DOCK3: variants seen among roughly 807,000 people sequenced by gnomAD.
DOCK3 encodes dedicator of cytokinesis 3.
In DOCK3, 60 loss-of-function variants were observed where a neutral mutation model predicts 265.6. That is an observed-to-expected ratio of 0.23 (90% confidence interval 0.18 to 0.28). DOCK3 has a LOEUF of 0.28. DOCK3 is among the 10% of genes least tolerant of loss of function. The pLI, the probability that DOCK3 is intolerant of heterozygous loss-of-function variation, is 1.00. For missense variants in DOCK3, 1,981 were observed against 2,594.3 expected, an observed-to-expected ratio of 0.76 and a Z score of 5.14; for synonymous variants, 881 against 938.0, an observed-to-expected ratio of 0.94 and a Z score of 1.11.
chr3:51,262,160 G>C (rs1371466169), intron 23 of DOCK3, among the ~76,000 whole-genome samples: 1 of 152,202 alleles, frequency 6.6e-6, no homozygotes, highest in Non-Finnish European at 1.5e-5. Context: ...CCTCATACGG[G>C]AGAGCTCTGG....
chr3:51,233,509 G>A (rs1283391424), intron 19 of DOCK3, among the ~76,000 whole-genome samples: 2 of 152,230 alleles, frequency 1.3e-5, no homozygotes, highest in Non-Finnish European at 2.9e-5. Context: ...GGGATTACAG[G>A]CATGTGCCAC....
chr3:51,179,459 G>A (rs1269320727), intron 12 of DOCK3, among the ~76,000 whole-genome samples: 3 of 152,164 alleles, frequency 2.0e-5, no homozygotes, highest in African/African-American at 2.4e-5. Context: ...AGTAAACTAA[G>A]AATGTTATTC....
At chr3:51,309,554 G>A (rs1018089762) in intron 27 of DOCK3, among the ~76,000 whole-genome samples, 5 of 152,192 alleles carry the variant, frequency 3.3e-5, no homozygotes, top group Non-Finnish European at 7.3e-5. Context: ...GCTTCGGCTC[G>A]GCATCAGAGG....
chr3:50,738,339 G>A (rs576764345), intron 1 of DOCK3, among the ~76,000 whole-genome samples: 5 of 152,246 alleles, frequency 3.3e-5, no homozygotes, highest in East Asian at 1.9e-4. Flanking sequence ...ACAGCTTGGA[G>A]CCCAGGCCCA....
intron 5 of DOCK3, among the ~76,000 whole-genome samples, chr3:50,962,295 G>A (rs1181665934): frequency 6.6e-6 from 1 of 152,120 alleles, no homozygotes; most frequent in East Asian, 1.9e-4. Context: ...AGTCATGATA[G>A]CTTACAATGC....
At chr3:50,912,468 C>T (rs2049906700) in intron 4 of DOCK3, among the ~76,000 whole-genome samples, 1 of 152,146 alleles carries the variant, frequency 6.6e-6, no homozygotes, top group South Asian at 2.1e-4. Context: ...GCTCAAGGCC[C>T]TGGTGCTCTA....
At chr3:51,225,891 T>A in intron 15 of DOCK3, 118 bp downstream of exon 15, 1 of 1,327,614 alleles carries the variant, frequency 7.5e-7, no homozygotes. Flanking sequence ...TCAGCCTTTT[T>A]CTCTGCCTTT....
At chr3:50,802,542 T>C (rs184860114) in intron 2 of DOCK3, among the ~76,000 whole-genome samples, 3 of 152,276 alleles carry the variant, frequency 2.0e-5, no homozygotes, top group East Asian at 3.9e-4. Context: ...GGGTATAATA[T>C]TCCTCATTGC....
At chr3:51,305,733 C>CGTGTGTGTGT (rs202005379) in intron 27 of DOCK3, among the ~76,000 whole-genome samples, 1,806 of 135,592 alleles carry the variant, frequency 0.013, 39 homozygotes, top group African/African-American at 0.037. Flanking sequence ...TGTGTGTGTG[C>CGTGTGTGTGT]GCGTGTGTGT....
At chr3:51,097,834 A>G (rs534895832) in intron 9 of DOCK3, among the ~76,000 whole-genome samples, 2 of 152,304 alleles carry the variant, frequency 1.3e-5, no homozygotes, top group South Asian at 2.1e-4. Context: ...CTCATGGCAC[A>G]GTCCCTCACG....
At chr3:51,044,370 G>A (rs2080670110) in intron 5 of DOCK3, among the ~76,000 whole-genome samples, 1 of 152,066 alleles carries the variant, frequency 6.6e-6, no homozygotes, top group Admixed American at 6.6e-5. Context: ...ATAAGTGGAA[G>A]CTAAATGATG....
chr3:51,288,338 G>C (rs1034600359), intron 27 of DOCK3, among the ~76,000 whole-genome samples: 7 of 147,384 alleles, frequency 4.7e-5, no homozygotes, highest in African/African-American at 1.8e-4. Flanking sequence ...GTTGCAGTGA[G>C]CCAAGATCGT....
chr3:51,195,970 C>G (rs1256066881), intron 12 of DOCK3, among the ~76,000 whole-genome samples: 1 of 152,020 alleles, frequency 6.6e-6, no homozygotes, highest in Admixed American at 6.6e-5. Flanking sequence ...AGGTCTCACT[C>G]TGTCACCCAG....
At chr3:51,097,816 C>T (rs892685515) in intron 9 of DOCK3, among the ~76,000 whole-genome samples, 1 of 152,182 alleles carries the variant, frequency 6.6e-6, no homozygotes, top group African/African-American at 2.4e-5. Context: ...GGCCAGAGTG[C>T]ACTGTCCCTC....
At chr3:50,754,428 A>G (rs990938459) in intron 1 of DOCK3, among the ~76,000 whole-genome samples, 4 of 152,182 alleles carry the variant, frequency 2.6e-5, no homozygotes, top group Admixed American at 2.0e-4. Context: ...TACCCCTTGC[A>G]TCTAAAAAGT....
chr3:51,060,092 A>C (rs1320248269), intron 5 of DOCK3, among the ~76,000 whole-genome samples: 1 of 151,754 alleles, frequency 6.6e-6, no homozygotes, highest in East Asian at 1.9e-4. Context: ...ACTCAAACTC[A>C]CTCCAACAAT....
At chr3:51,360,390 C>A in intron 46 of DOCK3, 121 bp from the exon 47 acceptor site, 2 of 1,326,674 alleles carry the variant, frequency 1.5e-6, no homozygotes, top group Non-Finnish European at 2.1e-6. Flanking sequence ...CAGGTTCAGC[C>A]AACCATATGA....
chr3:51,225,497 A>G (rs1196896155), intron 14 of DOCK3, among the ~76,000 whole-genome samples, 152 bp from the exon 15 acceptor site: 1 of 152,166 alleles, frequency 6.6e-6, no homozygotes, highest in Non-Finnish European at 1.5e-5. Context: ...CTGCACTGAT[A>G]CTGGTAGAAT....
intron 4 of DOCK3, among the ~76,000 whole-genome samples, chr3:50,932,436 A>G (rs543263011): frequency 6.6e-6 from 1 of 152,100 alleles, no homozygotes; most frequent in South Asian, 2.1e-4. Flanking sequence ...ATAAACGGGT[A>G]TAAGTTACCT....
Sources: allele counts gnomAD v4.1 joint callset (sites outside exome capture counted in the v4.1 genomes callset), GRCh38; gene constraint gnomAD v4.1.1; transcripts MANE v1.5; gene names NCBI Gene and HGNC (gene_info 2026-07-23, HGNC 2026-07-21).